Variants in DLGAP1 observed in about 807,000 individuals in gnomAD.
DLGAP1 encodes the protein DLG associated protein 1.
In DLGAP1, 11 loss-of-function variants were observed where a neutral mutation model predicts 90.8. The ratio of observed to expected loss-of-function variants is 0.12; its 90% CI spans 0.08 to 0.20. The LOEUF (loss-of-function observed/expected upper bound fraction) is 0.20. DLGAP1 is among the 10% of genes least tolerant of loss of function. The probability of loss-of-function intolerance (pLI) is 1.00; values close to 1 mark genes in which losing one functional copy is unlikely to be tolerated. For synonymous variants in DLGAP1, 558 were observed against 540.7 expected (o/e 1.03, Z -0.44); for missense variants, 1,050 against 1,333.8 (o/e 0.79, Z 3.31).
chr18:4,235,063 T>C (rs1274089376), intron 1 of DLGAP1, among the ~76,000 whole-genome samples: 1 of 152,176 alleles, frequency 6.6e-6, no homozygotes, highest in Non-Finnish European at 1.5e-5. Context: ...GTCAGGGTTG[T>C]TCCCTTTTCT....
chr18:3,852,643 C>G (rs974640804), intron 4 of DLGAP1, among the ~76,000 whole-genome samples: 4 of 152,024 alleles, frequency 2.6e-5, no homozygotes, highest in Admixed American at 2.6e-4. Context: ...CATATATATA[C>G]CCTTTAAGAA....
intron 1 of DLGAP1, among the ~76,000 whole-genome samples, chr18:4,211,216 A>C (rs1170488917): frequency 6.6e-6 from 1 of 152,168 alleles, no homozygotes; most frequent in East Asian, 1.9e-4. Flanking sequence ...GATGACAATG[A>C]ATCTGCAGAT....
intron 11 of DLGAP1, among the ~76,000 whole-genome samples, chr18:3,507,703 C>T (rs1251633196): frequency 6.7e-6 from 1 of 148,692 alleles, no homozygotes; most frequent in Non-Finnish European, 1.5e-5. Flanking sequence ...TCCAGCTTGA[C>T]CAACAATTGA....
chr18:4,115,494 C>CTTTCTTTT (rs554720987), intron 2 of DLGAP1, among the ~76,000 whole-genome samples: 123 of 146,404 alleles, frequency 8.4e-4, no homozygotes, highest in African/African-American at 3.2e-3. Context: ...TTCTTTCTTT[C>CTTTCTTTT]TTTTTTTTTG....
chr18:3,520,048 A>G (rs184337258), intron 10 of DLGAP1, among the ~76,000 whole-genome samples: 1 of 152,034 alleles, frequency 6.6e-6, no homozygotes, highest in South Asian at 2.1e-4. Context: ...AGTAAAATTT[A>G]AAAAAAAATT....
intron 3 of DLGAP1, among the ~76,000 whole-genome samples, chr18:3,952,931 T>C (rs1029744600): frequency 6.6e-6 from 1 of 152,236 alleles, no homozygotes; most frequent in Non-Finnish European, 1.5e-5. Flanking sequence ...TCTTAACTAC[T>C]GAAGGATTCA....
intron 2 of DLGAP1, among the ~76,000 whole-genome samples, chr18:4,022,423 A>ACACG (rs2074627723): frequency 6.7e-6 from 1 of 148,922 alleles, no homozygotes; most frequent in South Asian, 2.1e-4. Flanking sequence ...ACACACACAC[A>ACACG]CCACACACAC....
chr18:4,304,571 C>T (rs934415597), intron 1 of DLGAP1, among the ~76,000 whole-genome samples: 1 of 152,178 alleles, frequency 6.6e-6, no homozygotes, highest in Non-Finnish European at 1.5e-5. Flanking sequence ...GTTAATATTG[C>T]AGAAGCTTCT....
At chr18:4,160,666 T>C (rs1479900852) in intron 1 of DLGAP1, among the ~76,000 whole-genome samples, 1 of 152,178 alleles carries the variant, frequency 6.6e-6, no homozygotes, top group Non-Finnish European at 1.5e-5. Flanking sequence ...CACCTGTAAG[T>C]GGATGTATCA....
intron 4 of DLGAP1, among the ~76,000 whole-genome samples, chr18:3,847,227 C>T (rs1324739255): frequency 6.6e-6 from 1 of 151,942 alleles, no homozygotes; most frequent in African/African-American, 2.4e-5. Flanking sequence ...TATTAATTTG[C>T]CAAAAGAACG....
At chr18:3,611,687 G>A (rs1010165969) in intron 7 of DLGAP1, among the ~76,000 whole-genome samples, 4 of 152,166 alleles carry the variant, frequency 2.6e-5, no homozygotes, top group African/African-American at 7.2e-5. Flanking sequence ...GTGGACCCCT[G>A]CCAGTGGTTT....
At chr18:4,273,508 T>C (rs2079333208) in intron 1 of DLGAP1, among the ~76,000 whole-genome samples, 1 of 152,196 alleles carries the variant, frequency 6.6e-6, no homozygotes, top group African/African-American at 2.4e-5. Context: ...AGTGGTGAGA[T>C]CATAGTTCAG....
chr18:3,761,300 T>C (rs914260323), intron 5 of DLGAP1, among the ~76,000 whole-genome samples: 1 of 152,186 alleles, frequency 6.6e-6, no homozygotes, highest in African/African-American at 2.4e-5. Flanking sequence ...ATCTATGAAT[T>C]TGGTCACTCT....
intron 1 of DLGAP1, among the ~76,000 whole-genome samples, chr18:4,400,733 A>G: frequency 6.6e-6 from 1 of 152,192 alleles, no homozygotes; most frequent in African/African-American, 2.4e-5. Flanking sequence ...ATGGCATCAT[A>G]TCATGGCTAA....
chr18:3,667,330 C>T (rs60621133), intron 7 of DLGAP1, among the ~76,000 whole-genome samples: 15,511 of 152,142 alleles, frequency 0.1, 1,462 homozygotes, highest in African/African-American at 0.25. Context: ...CCACCTGCCT[C>T]GGCCTCACAG....
At chr18:4,117,352 G>A (rs954513726) in intron 2 of DLGAP1, among the ~76,000 whole-genome samples, 1 of 152,184 alleles carries the variant, frequency 6.6e-6, no homozygotes, top group African/African-American at 2.4e-5. Context: ...TCTTGTAATT[G>A]TTTCATTGAA....
intron 7 of DLGAP1, among the ~76,000 whole-genome samples, chr18:3,651,901 G>T (rs1029867412): frequency 6.6e-6 from 1 of 152,082 alleles, no homozygotes; most frequent in Admixed American, 6.6e-5. Context: ...AGCCCAGGAG[G>T]CGGAGGTTGC....
intron 5 of DLGAP1, among the ~76,000 whole-genome samples, chr18:3,760,612 A>G (rs371958161): frequency 3.2e-4 from 48 of 152,264 alleles, no homozygotes; most frequent in African/African-American, 1.1e-3. Flanking sequence ...GAACGCGGTC[A>G]TACACATGTG....
intron 2 of DLGAP1, among the ~76,000 whole-genome samples, chr18:4,088,842 A>G (rs2075725854): frequency 6.6e-6 from 1 of 152,224 alleles, no homozygotes; most frequent in Admixed American, 6.5e-5. Context: ...CACAGCCAAT[A>G]TCATACTGAA....
Sources: gnomAD v4.1 joint callset for allele counts (sites outside exome capture counted in the v4.1 genomes callset) on GRCh38, gnomAD v4.1.1 for gene constraint, MANE v1.5 for transcripts, NCBI Gene and HGNC (gene_info 2026-07-23, HGNC 2026-07-21) for gene names.